ARFGEF3: variants seen among roughly 807,000 people sequenced by gnomAD.
The protein encoded by ARFGEF3 is ARFGEF family member 3.
In ARFGEF3, 96 loss-of-function variants were observed where a neutral mutation model predicts 221.7. The observed-to-expected ratio is 0.43, with a 90% confidence interval of 0.37 to 0.51. The LOEUF is 0.51. Ranked by LOEUF, ARFGEF3 falls within the 20% of genes least tolerant of loss-of-function variation. The pLI, the probability that ARFGEF3 is intolerant of heterozygous loss-of-function variation, is 0.00. For synonymous variants in ARFGEF3, 1,145 were observed against 1,126.8 expected (o/e 1.02, Z -0.32); for missense variants, 2,410 against 2,789.9 (o/e 0.86, Z 3.07).
At chr6:138,261,776 C>A (rs1469087099) in intron 11 of ARFGEF3, 137 bp downstream of exon 11, 36 of 438,332 alleles carry the variant, frequency 8.2e-5, no homozygotes, top group Non-Finnish European at 5.8e-5. Flanking sequence ...CCACAAGCTA[C>A]ATGAGAAGAC....
At chr6:138,199,998 T>C (rs1777503292) in intron 2 of ARFGEF3, among the ~76,000 whole-genome samples, 1 of 152,230 alleles carries the variant, frequency 6.6e-6, no homozygotes, top group Non-Finnish European at 1.5e-5. Flanking sequence ...TTCAGCATTA[T>C]GTTGGCTGTG....
intron 10 of ARFGEF3, among the ~76,000 whole-genome samples, chr6:138,258,711 A>G (rs1778732536): frequency 6.6e-6 from 1 of 152,234 alleles, no homozygotes; most frequent in African/African-American, 2.4e-5. Flanking sequence ...TAACACTATA[A>G]TGCTTGAATC....
At chr6:138,298,222 A>G (rs1002738764) in intron 21 of ARFGEF3, among the ~76,000 whole-genome samples, 1 of 152,134 alleles carries the variant, frequency 6.6e-6, no homozygotes, top group Non-Finnish European at 1.5e-5. Context: ...CTGAGGGACA[A>G]ATGACTCATC....
At chr6:138,268,822 C>T (rs1437073629) in intron 12 of ARFGEF3, among the ~76,000 whole-genome samples, 14 of 152,146 alleles carry the variant, frequency 9.2e-5, no homozygotes, top group Admixed American at 7.9e-4. Context: ...ATGTAAGGTT[C>T]GCTGCAAGCA....
intron 22 of ARFGEF3, among the ~76,000 whole-genome samples, chr6:138,301,069 A>G: frequency 6.6e-6 from 1 of 152,242 alleles, no homozygotes; most frequent in East Asian, 1.9e-4. Context: ...CCCAGATATC[A>G]GAGTTATCAG....
chr6:138,321,884 C>G (rs7744903), intron 29 of ARFGEF3, among the ~76,000 whole-genome samples: 3 of 150,480 alleles, frequency 2.0e-5, no homozygotes, highest in Admixed American at 6.6e-5. Flanking sequence ...AGAAAAAGAG[C>G]TTTAATGGAC....
chr6:138,263,872 A>G (rs1469474049), intron 12 of ARFGEF3, among the ~76,000 whole-genome samples: 1 of 152,232 alleles, frequency 6.6e-6, no homozygotes, highest in Admixed American at 6.5e-5. Flanking sequence ...AAGTAGCTGC[A>G]TTCTAGAAAG....
At chr6:138,262,057 T>C (rs952075654) in intron 11 of ARFGEF3, among the ~76,000 whole-genome samples, 3 of 152,162 alleles carry the variant, frequency 2.0e-5, no homozygotes, top group Admixed American at 6.6e-5. Flanking sequence ...TTATAACTAT[T>C]TTCTATTTGA....
At chr6:138,327,251 CAAACTTA>C (rs908645589) in intron 31 of ARFGEF3, among the ~76,000 whole-genome samples, 88 of 152,130 alleles carry the variant, frequency 5.8e-4, no homozygotes, top group African/African-American at 2.0e-3. Flanking sequence ...ACATGGACCC[CAAACTTA>C]AAACTTGAAA....
At chr6:138,229,222 T>C (rs1457206515) in intron 4 of ARFGEF3, among the ~76,000 whole-genome samples, 1 of 152,238 alleles carries the variant, frequency 6.6e-6, no homozygotes, top group Non-Finnish European at 1.5e-5. Context: ...AAAATGACAC[T>C]GACATTTGAG....
chr6:138,333,006 A>T (rs1221076473), intron 32 of ARFGEF3, among the ~76,000 whole-genome samples: 1 of 152,244 alleles, frequency 6.6e-6, no homozygotes, highest in African/African-American at 2.4e-5. Context: ...GCAAAATGTT[A>T]TTAACATCAT....
intron 2 of ARFGEF3, among the ~76,000 whole-genome samples, chr6:138,187,418 T>G (rs963855289): frequency 1.3e-4 from 20 of 152,218 alleles, no homozygotes; most frequent in African/African-American, 4.3e-4. Context: ...TTTATGGTCT[T>G]TCTCCTTAGC....
chr6:138,192,598 A>G (rs1162035660), intron 2 of ARFGEF3, among the ~76,000 whole-genome samples: 1 of 152,228 alleles, frequency 6.6e-6, no homozygotes, highest in African/African-American at 2.4e-5. Flanking sequence ...AGGGCTGGCC[A>G]TGAAGCAGTT....
chr6:138,246,263 A>G (rs1325111300), intron 8 of ARFGEF3, among the ~76,000 whole-genome samples: 1 of 151,876 alleles, frequency 6.6e-6, no homozygotes, highest in South Asian at 2.1e-4. Flanking sequence ...CCAGCTACAT[A>G]TGCCATGAAT....
chr6:138,300,515 G>A (rs1779610776), intron 22 of ARFGEF3, among the ~76,000 whole-genome samples: 1 of 152,100 alleles, frequency 6.6e-6, no homozygotes, highest in South Asian at 2.1e-4. Flanking sequence ...GAACTACAAG[G>A]CCAAGATCTG....
At chr6:138,278,237 CAGG>C (rs1779132981) in intron 12 of ARFGEF3, among the ~76,000 whole-genome samples, 1 of 152,184 alleles carries the variant, frequency 6.6e-6, no homozygotes, top group Non-Finnish European at 1.5e-5. Flanking sequence ...GATCAGGATC[CAGG>C]CCCAGGCAGA....
At chr6:138,333,104 AT>A (rs1249855189) in intron 32 of ARFGEF3, among the ~76,000 whole-genome samples, 2 of 152,234 alleles carry the variant, frequency 1.3e-5, no homozygotes, top group African/African-American at 4.8e-5. Flanking sequence ...GGCCACAACT[AT>A]TTTCATAAAA....
chr6:138,306,895 A>T (rs1387349472), intron 22 of ARFGEF3, among the ~76,000 whole-genome samples: 1 of 151,896 alleles, frequency 6.6e-6, no homozygotes, highest in Non-Finnish European at 1.5e-5. Flanking sequence ...ACTTTTAAAA[A>T]GTCCAAAGCT....
At position 138,196,005 on chromosome 6, in the gene ARFGEF3, AAAAAG is replaced by A. The variant is rs1170165040; in HGVS notation, c.138-11027_138-11023del. 2.1e-4 allele frequency among the ~76,000 whole-genome samples: 32 copies of A among 148,934 alleles called. No individual in the cohort carries two copies. In the East Asian group the frequency reaches 5.1e-3, roughly 24 times the overall value. ...AAGGAGTGTCTTGGTAAAAAAAAAA[AAAAAG>A]AAAAGAAAAAAAAAGATCTTCACTG... On this transcript the variant is annotated intron_variant, in intron 2 of 33. Coordinates refer to ENST00000251691, the MANE Select transcript of ARFGEF3 (RefSeq NM_020340.5).
Sources: allele counts gnomAD v4.1 joint callset (sites outside exome capture counted in the v4.1 genomes callset), GRCh38; gene constraint gnomAD v4.1.1; transcripts MANE v1.5; gene names NCBI Gene and HGNC (gene_info 2026-07-23, HGNC 2026-07-21).